The following NFE2L2 variants were observed in gnomAD, a reference collection of about 807,000 sequenced individuals.
NFE2L2 encodes the protein NFE2 like bZIP transcription factor 2.
NFE2L2 carries 20 observed loss-of-function variants against 49.6 expected under a neutral mutation model. The observed-to-expected ratio is 0.40, with a 90% CI of 0.28 to 0.59. The LOEUF (loss-of-function observed/expected upper bound fraction) is 0.59, where lower values mean the gene tolerates loss of function less well. Ranked by LOEUF, NFE2L2 falls within the 20% of genes least tolerant of loss-of-function variation. NFE2L2 has a pLI of 0.40. For synonymous variants in NFE2L2, 244 were observed against 256.5 expected (o/e 0.95, Z 0.47); for missense variants, 578 against 714.2 (o/e 0.81, Z 2.17).
intron 1 of NFE2L2, among the ~76,000 whole-genome samples, chr2:177,247,696 AAAAAAAG>A (rs1365522058): frequency 1.8e-4 from 28 of 152,050 alleles, no homozygotes; most frequent in East Asian, 3.9e-4. Flanking sequence ...AAAAAAAAAA[AAAAAAAG>A]AAAAAAGAAT....
intron 1 of NFE2L2, among the ~76,000 whole-genome samples, chr2:177,242,606 G>T (rs999744449): frequency 6.6e-6 from 1 of 152,124 alleles, no homozygotes; most frequent in Non-Finnish European, 1.5e-5. Flanking sequence ...TCCCAAACAA[G>T]TTCCTCAGTC....
chr2:177,233,726 C>A (rs7604429), intron 2 of NFE2L2: 3 of 539,826 alleles, frequency 5.6e-6, no homozygotes, highest in Non-Finnish European at 9.8e-6. Context: ...ACTTCTGTTG[C>A]TGCTACTTGA....
chr2:177,256,350 G>A (rs1045146032), intron 1 of NFE2L2, among the ~76,000 whole-genome samples: 1 of 152,152 alleles, frequency 6.6e-6, no homozygotes, highest in Non-Finnish European at 1.5e-5. Flanking sequence ...GCAGACAAGA[G>A]ATTGTCAGGT....
intron 3 of NFE2L2, chr2:177,232,965 A>G (rs997971748): frequency 2.0e-6 from 1 of 493,102 alleles, no homozygotes; most frequent in Non-Finnish European, 3.5e-6. Context: ...ACTTGCAGCA[A>G]ATGGGTTATT....
chr2:177,236,458 G>A (rs1004327472), intron 1 of NFE2L2, among the ~76,000 whole-genome samples: 2 of 152,198 alleles, frequency 1.3e-5, no homozygotes, highest in East Asian at 3.8e-4. Context: ...CTTTAAGCCA[G>A]TATCTATTAA....
chr2:177,231,549 G>C lies in NFE2L2; in HGVS notation c.1054C>G (p.Pro352Ala), dbSNP rs376114843. Residue 352 changes from proline (P) to alanine (A), a missense_variant, in exon 5 of 5, where the codon CCC becomes GCC. By Grantham distance (27) the Pro-to-Ala change is conservative. Transcript: ENST00000397062. ...GAGTGTTCTGGTGATGCCACACTGG[G>C]ACTTGTGTTTAGTGAAATGCCGGAG... The part of the protein sequence containing the change: ...SDSGISLNTS[P>A]SVASPEHSVE... 1 of 1,614,198 alleles carries C rather than the reference G, an allele frequency of 6.2e-7. No homozygotes were observed. The highest frequency in any genetic ancestry group is 8.5e-7 in the Non-Finnish European group (1 of 1,180,040).
Position 177,233,353 on chromosome 2 carries a change from A to G in NFE2L2, c.313-14T>C. ...AATGTGGGCAACCTGATAAAAGGGA[A>G]TGACACAAAGGAAAACAAAAATGGT... is the stretch of plus-strand genomic sequence containing the variant. On this transcript the variant is annotated splice_polypyrimidine_tract_variant and intron_variant, in intron 2 of 4. Transcript: ENST00000397062. The G allele has an allele frequency of 1.9e-6, 3 of 1,603,084 alleles. No individual in the cohort carries two copies. The highest frequency in any genetic ancestry group is 2.6e-6 in the Non-Finnish European group (3 of 1,174,090).
chr2:177,230,638 TAA>T lies in NFE2L2; in HGVS notation c.*145_*146del. 1.1e-6 allele frequency: 1 copy of T among 906,868 alleles called. No individual in the cohort carries two copies. The highest frequency in any genetic ancestry group is 2.9e-5 in the East Asian group (1 of 34,292). The allele number at this position is 906,868 out of a possible 1,614,324, so 56.2% of individuals were successfully genotyped here. On this transcript the variant is annotated 3_prime_UTR_variant, in exon 5 of 5. Coordinates refer to ENST00000397062, the MANE Select transcript of NFE2L2 (RefSeq NM_006164.5). ...AACATACTGACACTCCAATGCTTTT[TAA>T]AGTTTCGTATTATTTTCTATACTAG...
rs35073132 is a variant in NFE2L2 at position 177,256,499 on chromosome 2, C to CAAAA, written c.45+8029_45+8032dup. Among the ~76,000 whole-genome samples, 485 of 74,958 alleles carry CAAAA rather than the reference C, an allele frequency of 6.5e-3. 6 individuals are homozygous for CAAAA. Among genetic ancestry groups the CAAAA allele is most frequent in the African/African-American group, 0.021 (443 of 21,228 alleles). 49.2% of individuals were successfully genotyped at this position (74,958 alleles called of 152,430 possible). On this transcript the variant is annotated intron_variant, in intron 1 of 4. Coordinates refer to ENST00000397062, the MANE Select transcript of NFE2L2 (RefSeq NM_006164.5). ...ACTCTGAATGTCAGCTACATTCTTGCAAAAAAAAAAAAAAAAAAAAAGGAA... is the reference window on the plus strand; with the variant it reads ...ACTCTGAATGTCAGCTACATTCTTGCAAAAAAAAAAAAAAAAAAAAAAAAAGGAA...
At position 177,264,528 on chromosome 2, in the gene NFE2L2, G is replaced by A. The variant is rs373551289; in HGVS notation, c.45+4C>T. The A allele has an allele frequency of 1.1e-5, 17 of 1,525,264 alleles. No homozygotes were observed. The African/African-American group carries it at 2.1e-4, about 19-fold the overall frequency. The allele number at this position is 1,525,264 out of a possible 1,614,324, so 94.5% of individuals were successfully genotyped here. ...CCGCAGGGCCCAGAGGGCCGAGGCA[G>A]CACCTGCTGGGACGGGAGTCCCGGC... On this transcript the variant is annotated splice_donor_region_variant and intron_variant, in intron 1 of 4. Coordinates refer to ENST00000397062, the MANE Select transcript of NFE2L2 (RefSeq NM_006164.5).
rs770367660 is a variant in NFE2L2, at chr2:177,231,597, T to C, written c.1006A>G (p.Thr336Ala). The C allele has an allele frequency of 1.2e-6, 2 of 1,614,242 alleles. No homozygotes were observed. Among genetic ancestry groups the C allele is most frequent in the South Asian group, 2.2e-5 (2 of 91,090 alleles). Residue 336 changes from threonine (T) to alanine (A), a missense_variant, in exon 5 of 5, where the codon ACA becomes GCA. Thr to Ala is a moderately conservative substitution (Grantham distance 58). Transcript: ENST00000397062. ...KAFNQNHPESTAEFNDSDSGI... is the reference protein window; with the variant it reads ...KAFNQNHPESAAEFNDSDSGI... ...GAGTCAGAATCATTGAATTCTGCTGTGCTTTCAGGGTGGTTTTGGTTGAAA... is the reference window on the plus strand; with the variant it reads ...GAGTCAGAATCATTGAATTCTGCTGCGCTTTCAGGGTGGTTTTGGTTGAAA...
At chr2:177,263,735 T>A in intron 1 of NFE2L2, 2 of 985,352 alleles carry the variant, frequency 2.0e-6, no homozygotes, top group Non-Finnish European at 2.4e-6. Flanking sequence ...GCCCGCACTT[T>A]CCCGCGGCGT....
At chr2:177,250,466 T>TA (rs1690294476) in intron 1 of NFE2L2, among the ~76,000 whole-genome samples, 1 of 152,222 alleles carries the variant, frequency 6.6e-6, no homozygotes, top group Admixed American at 6.5e-5. Flanking sequence ...TGATATAGTC[T>TA]AAGTAGTAAC....
At chr2:177,263,881 G>A in intron 1 of NFE2L2, 1 of 985,530 alleles carries the variant, frequency 1.0e-6, no homozygotes, top group Non-Finnish European at 1.2e-6. Context: ...TCGTCCCGGG[G>A]CTGGGCTTTC....
Position 177,231,853 on chromosome 2 carries a change from A to T in NFE2L2, c.750T>A (p.Phe250Leu), listed in dbSNP as rs774652591. Residue 250 changes from phenylalanine (F) to leucine (L), a missense_variant, in exon 5 of 5, where the codon TTT becomes TTA. Phe to Leu is a conservative substitution (Grantham distance 22). Around this residue, in one of 3 missense-constraint regions of NFE2L2, gnomAD observed 368 missense variants for 384.6 expected, o/e 0.96. Transcript: ENST00000397062. Reference sequence around the variant, plus strand: ...AGAGGATGCTGCTGAAGGAATCCTCAAAAGCATTAAGAAAATGTGGACTAC... The same window carrying T: ...AGAGGATGCTGCTGAAGGAATCCTCTAAAGCATTAAGAAAATGTGGACTAC... ...GNCSPHFLNA[F>L]EDSFSSILST... 3.7e-6 allele frequency: 6 copies of T among 1,614,232 alleles called. No homozygotes were observed. Among genetic ancestry groups the T allele is most frequent in the Admixed American group, 3.3e-5 (2 of 60,024 alleles).
intron 1 of NFE2L2, among the ~76,000 whole-genome samples, chr2:177,253,660 T>C (rs1690418548): frequency 2.0e-5 from 3 of 152,204 alleles, no homozygotes; most frequent in African/African-American, 7.2e-5. Context: ...GTAACAAAGA[T>C]ACCATGTTTT....
Position 177,231,453 on chromosome 2 carries a change from C to G in NFE2L2, c.1150G>C (p.Ala384Pro). 6.2e-7 allele frequency: 1 copy of G among 1,614,228 alleles called. No individual in the cohort carries two copies. Among genetic ancestry groups the G allele is most frequent in the Non-Finnish European group, 8.5e-7 (1 of 1,180,032 alleles). ...SDSEVEELDSAPGSVKQNGPK... is the reference protein window; with the variant it reads ...SDSEVEELDSPPGSVKQNGPK... ...CCATTCTGTTTGACACTTCCAGGGG[C>G]ACTATCTAGCTCTTCCACTTCAGAA... Residue 384 changes from alanine to proline, a missense_variant, in exon 5 of 5, where the codon GCC becomes CCC. Physicochemically the swap from Ala to Pro is conservative, Grantham distance 27. Coordinates refer to ENST00000397062, the MANE Select transcript of NFE2L2 (RefSeq NM_006164.5).
chr2:177,264,166 C>G (rs567981619), intron 1 of NFE2L2, among the ~76,000 whole-genome samples: 2 of 152,132 alleles, frequency 1.3e-5, no homozygotes, highest in South Asian at 4.1e-4. Flanking sequence ...GCGTCCGCCC[C>G]CTCTTGCCCC....
At position 177,234,154 on chromosome 2, in the gene NFE2L2, C is replaced by T. The variant is rs2105459040; in HGVS notation, c.163G>A (p.Glu55Lys). ...TGGAGTTGTTCTTGTCTTTCCTTTT[C>T]AAGTTTTTTCTGTTTTTCCAGCTCA... ...EYELEKQKKL[E>K]KERQEQLQKE... is the part of the protein sequence containing the mutation. The change falls in exon 2 of 5, where the codon GAA becomes AAA. Residue 55 changes from glutamate to lysine, a missense_variant. By Grantham distance (56) the Glu-to-Lys change is moderately conservative (BLOSUM62 1). Around this residue, in one of 3 missense-constraint regions of NFE2L2, gnomAD observed 93 missense variants for 153.9 expected, o/e 0.60. Transcript: ENST00000397062. The T allele has an allele frequency of 6.2e-7, 1 of 1,614,124 alleles. No homozygotes were observed. The highest frequency in any genetic ancestry group is 8.5e-7 in the Non-Finnish European group (1 of 1,180,024).
Sources: gnomAD v4.1 joint callset for allele counts (sites outside exome capture counted in the v4.1 genomes callset) on GRCh38, gnomAD v4.1.1 for gene constraint, gnomAD v4.1.1 regional missense constraint, MANE v1.5 for transcripts, NCBI Gene and HGNC (gene_info 2026-07-23, HGNC 2026-07-21) for gene names.